Variants in RNF150 observed in about 807,000 individuals in gnomAD.
The protein encoded by RNF150 is ring finger protein 150.
Under a neutral mutation model 39.3 loss-of-function variants are expected in RNF150, and 24 were observed. That is an observed-to-expected ratio of 0.61 (90% CI 0.44 to 0.86). The LOEUF is 0.86. RNF150 is among the 40% of genes least tolerant of loss of function. The pLI, the probability that RNF150 is intolerant of heterozygous loss-of-function variation, is 0.00. For missense variants in RNF150, 502 were observed against 587.8 expected (o/e 0.85, Z 1.51); for synonymous variants, 255 against 227.3 (o/e 1.12, Z -1.10).
chr4:141,204,663 T>C (rs191194359), intron 1 of RNF150, among the ~76,000 whole-genome samples: 5 of 152,298 alleles, frequency 3.3e-5, no homozygotes, highest in Admixed American at 3.3e-4. Context: ...GGACTCACAG[T>C]GCCAATCTTG....
chr4:141,181,060 C>G (rs1194548021), intron 1 of RNF150, among the ~76,000 whole-genome samples: 6 of 152,078 alleles, frequency 3.9e-5, no homozygotes, highest in Non-Finnish European at 8.8e-5. Flanking sequence ...TAAAAGTCTG[C>G]CCATGCTAGA....
chr4:141,120,231 T>A (rs1163374220), intron 1 of RNF150, among the ~76,000 whole-genome samples: 2 of 152,058 alleles, frequency 1.3e-5, no homozygotes, highest in South Asian at 2.1e-4. Context: ...TAAGGGAGAA[T>A]AAGAGAAGAG....
At chr4:140,980,263 G>A (rs1392164264) in intron 1 of RNF150, among the ~76,000 whole-genome samples, 3 of 151,964 alleles carry the variant, frequency 2.0e-5, no homozygotes, top group South Asian at 2.1e-4. Context: ...TGCTGGTCTC[G>A]AATTCCTGAC....
At chr4:141,094,357 T>C (rs1282983455) in intron 1 of RNF150, among the ~76,000 whole-genome samples, 2 of 152,350 alleles carry the variant, frequency 1.3e-5, no homozygotes, top group Non-Finnish European at 2.9e-5. Context: ...AACTGTATAT[T>C]GATTTCTCAA....
chr4:141,041,353 C>G (rs190658103), intron 1 of RNF150, among the ~76,000 whole-genome samples: 2 of 151,992 alleles, frequency 1.3e-5, no homozygotes, highest in Admixed American at 6.5e-5. Flanking sequence ...GTAGAATGAC[C>G]AACTGGGGGT....
chr4:140,968,822 C>A (rs1733350618), intron 1 of RNF150, among the ~76,000 whole-genome samples: 7 of 151,658 alleles, frequency 4.6e-5, no homozygotes, highest in Admixed American at 4.6e-4. Context: ...TCAGTAATAT[C>A]ATACCAGATT....
intron 6 of RNF150, among the ~76,000 whole-genome samples, chr4:140,878,719 T>C (rs1438888837): frequency 2.6e-5 from 4 of 152,232 alleles, no homozygotes; most frequent in Non-Finnish European, 5.9e-5. Context: ...CTTTTCACTC[T>C]GTTGACTGTT....
intron 1 of RNF150, among the ~76,000 whole-genome samples, chr4:141,029,992 G>A (rs571144430): frequency 1.7e-4 from 26 of 151,998 alleles, no homozygotes; most frequent in South Asian, 1.5e-3. Context: ...GTCAGGAGAT[G>A]GAGACCATCC....
chr4:141,071,542 T>C (rs1737705156), intron 1 of RNF150, among the ~76,000 whole-genome samples: 2 of 151,974 alleles, frequency 1.3e-5, no homozygotes, highest in African/African-American at 4.8e-5. Context: ...GGAGGAAATT[T>C]GTTGCTGGAA....
rs778519356 is a variant in RNF150, at chr4:140,911,302, C to A, written c.1040G>T (p.Gly347Val). The A allele has an allele frequency of 1.2e-6, 2 of 1,614,098 alleles. No individual in the cohort carries two copies. The highest frequency in any genetic ancestry group is 4.5e-5 in the East Asian group (2 of 44,862). ...DLPTDFEGSL[G>V]GPPTNQITGA... Reference sequence around the variant, plus strand: ...TGTGATCTGGTTGGTGGGTGGACCTCCCAGAGAGCCCTCGAAGTCAGTGGG... The same window carrying A: ...TGTGATCTGGTTGGTGGGTGGACCTACCAGAGAGCCCTCGAAGTCAGTGGG... Residue 347 changes from glycine (G) to valine (V), a missense_variant, in exon 6 of 7, where the codon GGA becomes GTA. Physicochemically the swap from Gly to Val is moderately radical, Grantham distance 109 (BLOSUM62 -3). Coordinates refer to ENST00000515673, the MANE Select transcript of RNF150 (RefSeq NM_020724.2).
chr4:140,974,935 G>A (rs1172093959), intron 1 of RNF150, among the ~76,000 whole-genome samples: 1 of 152,048 alleles, frequency 6.6e-6, no homozygotes, highest in African/African-American at 2.4e-5. Flanking sequence ...TTGGCCCTTT[G>A]ATCTGCAACC....
At chr4:141,067,991 G>A (rs942146772) in intron 1 of RNF150, among the ~76,000 whole-genome samples, 1 of 151,668 alleles carries the variant, frequency 6.6e-6, no homozygotes, top group Non-Finnish European at 1.5e-5. Flanking sequence ...AGTCACCCAG[G>A]CTGGAGTGCA....
At chr4:141,119,433 C>T (rs1420099078) in intron 1 of RNF150, among the ~76,000 whole-genome samples, 5 of 152,224 alleles carry the variant, frequency 3.3e-5, no homozygotes, top group Non-Finnish European at 7.3e-5. Flanking sequence ...ATCTGGTCTA[C>T]CACATGCCCA....
At chr4:141,197,810 G>A (rs1364388536) in intron 1 of RNF150, among the ~76,000 whole-genome samples, 1 of 151,640 alleles carries the variant, frequency 6.6e-6, no homozygotes, top group Non-Finnish European at 1.5e-5. Flanking sequence ...CCCGGGAGGT[G>A]GAGCTTGCAG....
intron 2 of RNF150, among the ~76,000 whole-genome samples, chr4:140,956,566 G>T (rs985037318): frequency 6.6e-6 from 1 of 152,164 alleles, no homozygotes; most frequent in African/African-American, 2.4e-5. Context: ...GACACAGCCA[G>T]CTTTCTGTAT....
At chr4:141,186,626 C>T (rs1270129118) in intron 1 of RNF150, among the ~76,000 whole-genome samples, 7 of 151,828 alleles carry the variant, frequency 4.6e-5, no homozygotes, top group East Asian at 1.9e-4. Context: ...AGGATGGTCT[C>T]GATCTCCTGA....
At chr4:140,899,337 A>G (rs1363376312) in intron 6 of RNF150, among the ~76,000 whole-genome samples, 2 of 152,204 alleles carry the variant, frequency 1.3e-5, no homozygotes, top group Non-Finnish European at 2.9e-5. Flanking sequence ...AAACCTTGCC[A>G]TATTTAAATG....
At chr4:140,981,873 C>A (rs921769644) in intron 1 of RNF150, among the ~76,000 whole-genome samples, 1 of 152,154 alleles carries the variant, frequency 6.6e-6, no homozygotes, top group Non-Finnish European at 1.5e-5. Flanking sequence ...GAGTCATCAG[C>A]CTCATTAACA....
At chr4:141,128,406 A>G (rs939233966) in intron 1 of RNF150, among the ~76,000 whole-genome samples, 2 of 152,192 alleles carry the variant, frequency 1.3e-5, no homozygotes, top group Non-Finnish European at 2.9e-5. Context: ...CACAAATCCA[A>G]GTGGTTGGCT....
Sources: gnomAD v4.1 joint callset for allele counts (sites outside exome capture counted in the v4.1 genomes callset) on GRCh38, gnomAD v4.1.1 for gene constraint, MANE v1.5 for transcripts, NCBI Gene and HGNC (gene_info 2026-07-23, HGNC 2026-07-21) for gene names.